KIF13B: variants seen among roughly 807,000 people sequenced by gnomAD.
KIF13B encodes the protein kinesin-like protein KIF13B.
Under a neutral mutation model 222.0 loss-of-function variants are expected in KIF13B, and 127 were observed. The ratio of observed to expected loss-of-function variants is 0.57; its 90% confidence interval spans 0.50 to 0.66. KIF13B has a LOEUF of 0.66. Ranked by LOEUF, KIF13B falls within the 30% of genes least tolerant of loss-of-function variation. The pLI is 0.00. For synonymous variants in KIF13B, 976 were observed against 919.0 expected (o/e 1.06, Z -1.12); for missense variants, 2,173 against 2,379.0 (o/e 0.91, Z 1.80).
intron 6 of KIF13B, among the ~76,000 whole-genome samples, chr8:29,184,440 T>G (rs112231038): frequency 0.013 from 1,932 of 152,264 alleles, 26 homozygotes; most frequent in African/African-American, 0.03. Flanking sequence ...CCAGTCTATC[T>G]TCACAACAGC....
At chr8:29,150,488 C>T (rs556402059) in intron 14 of KIF13B, 105 bp from the exon 15 acceptor site, 7 of 597,544 alleles carry the variant, frequency 1.2e-5, no homozygotes, top group East Asian at 2.9e-5. Flanking sequence ...AACAATAATT[C>T]CCCCAAACAC....
At chr8:29,251,011 C>T (rs150557127) in intron 1 of KIF13B, among the ~76,000 whole-genome samples, 5 of 151,996 alleles carry the variant, frequency 3.3e-5, no homozygotes, top group Admixed American at 6.6e-5. Flanking sequence ...ATTAGCCGGG[C>T]GTGGAGGTGG....
intron 12 of KIF13B, among the ~76,000 whole-genome samples, chr8:29,163,679 A>G (rs1811876488): frequency 6.6e-6 from 1 of 152,210 alleles, no homozygotes; most frequent in Non-Finnish European, 1.5e-5. Flanking sequence ...ATTCAACAGC[A>G]CTAAAGCCTG....
At chr8:29,116,101 C>G (rs1343997060) in intron 31 of KIF13B, among the ~76,000 whole-genome samples, 1 of 152,124 alleles carries the variant, frequency 6.6e-6, no homozygotes, top group African/African-American at 2.4e-5. Flanking sequence ...TGAGATGCAT[C>G]GCCCAGACTG....
intron 36 of KIF13B, among the ~76,000 whole-genome samples, chr8:29,097,154 T>C (rs1246101033): frequency 6.6e-6 from 1 of 151,974 alleles, no homozygotes; most frequent in East Asian, 1.9e-4. Context: ...AAACAGTAAA[T>C]AAATTTGATG....
intron 2 of KIF13B, among the ~76,000 whole-genome samples, chr8:29,210,232 C>A (rs995623582): frequency 6.6e-6 from 1 of 152,170 alleles, no homozygotes; most frequent in African/African-American, 2.4e-5. Flanking sequence ...TAAAAGTTCA[C>A]AGGATTGACA....
rs777045358 is a variant in KIF13B at position 29,154,051 on chromosome 8, C to T, written c.1535+1675G>A. ...TCTTGGCGAGGCACAGTAGTTTATGCCTGTAATCCAGCACTTTGTGAGGTC... is the reference window on the plus strand; with the variant it reads ...TCTTGGCGAGGCACAGTAGTTTATGTCTGTAATCCAGCACTTTGTGAGGTC... On this transcript the variant is annotated intron_variant, in intron 14 of 39. Coordinates refer to ENST00000524189, the MANE Select transcript of KIF13B (RefSeq NM_015254.4). Among the ~76,000 whole-genome samples the T allele has an allele frequency of 1.3e-5, 2 of 152,298 alleles. 1 individual carries two copies. Among genetic ancestry groups the T allele is most frequent in the South Asian group, 4.1e-4 (2 of 4,824 alleles).
chr8:29,093,264 G>A (rs1381647621), intron 36 of KIF13B, among the ~76,000 whole-genome samples: 1 of 152,154 alleles, frequency 6.6e-6, no homozygotes, highest in Non-Finnish European at 1.5e-5. Context: ...TAGACTTTAA[G>A]CTCTTTGAAG....
intron 37 of KIF13B, among the ~76,000 whole-genome samples, chr8:29,090,914 C>T (rs985222909): frequency 6.6e-6 from 1 of 152,156 alleles, no homozygotes; most frequent in African/African-American, 2.4e-5. Context: ...GACAGGGTTT[C>T]GCCATGTTGG....
intron 11 of KIF13B, among the ~76,000 whole-genome samples, chr8:29,167,024 A>T (rs747526485): frequency 1.5e-4 from 23 of 152,212 alleles, no homozygotes; most frequent in Admixed American, 5.9e-4. Context: ...CCTGCTCTCC[A>T]TCATTTTCTG....
Position 29,071,836 on chromosome 8 carries a change from CG to C in KIF13B, c.5001del (p.Gly1668AlafsTer50), listed in dbSNP as rs1563676404. ...TTCCCCTCGGCCCCCGGGGAGCAGC[CG>C]GGGTCCCCAGCCAGCATGCGCGAGA... ...RSFSRMLAGD[P>X]GCSPGAEGNA... On this transcript the variant is annotated frameshift_variant, in exon 39 of 40. Transcript: ENST00000524189. LOFTEE classifies it high-confidence loss of function. This position sits in a 1 kb window ranked among gnomAD's most constrained non-coding sequence, Gnocchi z 4.9. 12 of 1,540,768 alleles carry C rather than the reference CG, an allele frequency of 7.8e-6. No homozygotes were observed. Among genetic ancestry groups the C allele is most frequent in the Non-Finnish European group, 1.0e-5 (12 of 1,146,044 alleles).
rs537457397 is a variant in KIF13B, at chr8:29,070,320, C to T, written c.*184G>A. 46 of 652,458 alleles carry T rather than the reference C, an allele frequency of 7.1e-5. 1 individual carries two copies. Among genetic ancestry groups the T allele is most frequent in the South Asian group, 5.4e-4 (28 of 51,388 alleles). The allele number at this position is 652,458 out of a possible 1,614,324, so 40.4% of individuals were successfully genotyped here. A position where few individuals can be genotyped will look rare whatever the true frequency, so the allele number is the denominator to read the frequency against. On this transcript the variant is annotated 3_prime_UTR_variant, in exon 40 of 40. Coordinates refer to ENST00000524189, the MANE Select transcript of KIF13B (RefSeq NM_015254.4). The surrounding 1 kb of genome is among the most constrained non-coding windows in gnomAD (Gnocchi z 4.1). Reference sequence around the variant, plus strand: ...GCACAGTTGAGGCCCCCACTTTACCCGGGTACAGAAGAAACAAAGCTTCCA... The same window carrying T: ...GCACAGTTGAGGCCCCCACTTTACCTGGGTACAGAAGAAACAAAGCTTCCA...
intron 10 of KIF13B, among the ~76,000 whole-genome samples, chr8:29,171,676 GA>G (rs372998659): frequency 0.013 from 1,353 of 107,796 alleles, 18 homozygotes; most frequent in African/African-American, 0.034. Context: ...CATGTTTTGC[GA>G]AAAAAAAAAA....
At chr8:29,182,580 TATTC>T (rs899833405) in intron 6 of KIF13B, among the ~76,000 whole-genome samples, 17 of 150,354 alleles carry the variant, frequency 1.1e-4, no homozygotes, top group African/African-American at 2.2e-4. Context: ...TAAAATTAAA[TATTC>T]ATTAAGTTTT....
chr8:29,228,290 C>A, intron 2 of KIF13B, among the ~76,000 whole-genome samples: 1 of 150,522 alleles, frequency 6.6e-6, no homozygotes, highest in Non-Finnish European at 1.5e-5. Flanking sequence ...ACGGTGAAAC[C>A]CTGTCTCTAC....
At chr8:29,218,350 A>G (rs1287247412) in intron 2 of KIF13B, among the ~76,000 whole-genome samples, 1 of 152,198 alleles carries the variant, frequency 6.6e-6, no homozygotes, top group Non-Finnish European at 1.5e-5. Flanking sequence ...CATAAGCCGC[A>G]CCTCAAATGT....
intron 35 of KIF13B, among the ~76,000 whole-genome samples, chr8:29,107,869 T>C (rs1185977440): frequency 1.3e-5 from 2 of 152,198 alleles, no homozygotes; most frequent in Non-Finnish European, 2.9e-5. Flanking sequence ...CTGAAGTTTC[T>C]TTTCTGACAG....
chr8:29,081,500 C>G (rs1304389632), intron 37 of KIF13B, among the ~76,000 whole-genome samples: 1 of 152,180 alleles, frequency 6.6e-6, no homozygotes, highest in East Asian at 1.9e-4. Flanking sequence ...AAATGCAGAT[C>G]AAGTATTTCC....
intron 10 of KIF13B, among the ~76,000 whole-genome samples, chr8:29,174,461 T>C (rs1812395362): frequency 6.6e-6 from 1 of 152,144 alleles, no homozygotes; most frequent in South Asian, 2.1e-4. Flanking sequence ...GTAAAAGCAC[T>C]TGAGGTATTT....
Sources: allele counts gnomAD v4.1 joint callset (sites outside exome capture counted in the v4.1 genomes callset), GRCh38; gene constraint gnomAD v4.1.1; non-coding constraint Gnocchi (gnomAD v3.1); transcripts MANE v1.5; gene names NCBI Gene and HGNC (gene_info 2026-07-23, HGNC 2026-07-21).